The following KCNMA1 variants were observed in gnomAD, a reference collection of about 807,000 sequenced individuals.
KCNMA1 encodes Calcium-activated potassium channel subunit alpha-1.
Under a neutral mutation model 140.0 loss-of-function variants are expected in KCNMA1, and 29 were observed. That is an observed-to-expected ratio of 0.21 (90% CI 0.15 to 0.28). The LOEUF is 0.28. Ranked by LOEUF, KCNMA1 falls within the 10% of genes least tolerant of loss-of-function variation. The pLI is 1.00. For missense variants in KCNMA1, 880 were observed against 1,602.2 expected, an observed-to-expected ratio of 0.55 and a Z score of 7.70; for synonymous variants, 612 against 611.9, an observed-to-expected ratio of 1.00 and a Z score of 0.00.
At chr10:76,951,678 G>A (rs117738017) in intron 21 of KCNMA1, among the ~76,000 whole-genome samples, 3,068 of 152,202 alleles carry the variant, frequency 0.02, 45 homozygotes, top group Non-Finnish European at 0.027. Context: ...ATCTCTAGCC[G>A]TGTTACTTTA....
intron 2 of KCNMA1, among the ~76,000 whole-genome samples, chr10:77,375,195 G>C (rs1340196591): frequency 1.3e-5 from 2 of 152,182 alleles, no homozygotes; most frequent in Admixed American, 6.5e-5. Context: ...AGCTAAAACT[G>C]GGTATGAGCA....
At chr10:76,934,628 A>G (rs1163468933) in intron 23 of KCNMA1, among the ~76,000 whole-genome samples, 1 of 152,204 alleles carries the variant, frequency 6.6e-6, no homozygotes, top group Non-Finnish European at 1.5e-5. Context: ...TAGACTATGG[A>G]GACAACAGGG....
At chr10:77,083,501 TA>T (rs35527205) in intron 12 of KCNMA1, among the ~76,000 whole-genome samples, 11,817 of 91,354 alleles carry the variant, frequency 0.13, 512 homozygotes, top group Non-Finnish European at 0.14. Flanking sequence ...AGATGTTCTG[TA>T]AAAAAAAAAA....
Position 77,108,596 on chromosome 10 carries a change from G to A in KCNMA1, c.1132-24C>T. On this transcript the variant is annotated intron_variant, in intron 8 of 27. Coordinates refer to ENST00000286628, the MANE Select transcript of KCNMA1 (RefSeq NM_001161352.2). The surrounding 1 kb of genome is among the most constrained non-coding windows in gnomAD (Gnocchi z 4.6). ...GCCTGAGAAGATAGGAGACAGAAGA[G>A]AGACTAAAAAGACAGGCCAAAGAAA... The A allele has an allele frequency of 6.3e-7, 1 of 1,583,692 alleles. No individual in the cohort carries two copies. The highest frequency in any genetic ancestry group is 8.7e-7 in the Non-Finnish European group (1 of 1,153,840).
At chr10:77,435,612 G>T (rs1051559315) in intron 1 of KCNMA1, among the ~76,000 whole-genome samples, 1 of 152,164 alleles carries the variant, frequency 6.6e-6, no homozygotes, top group Non-Finnish European at 1.5e-5. Context: ...CACCACCTGT[G>T]GTGTGGGGAA....
chr10:76,949,203 A>G lies in KCNMA1; in HGVS notation c.2648T>C (p.Ile883Thr), dbSNP rs148156399. 2.8e-5 allele frequency: 45 copies of G among 1,614,222 alleles called. No individual in the cohort carries two copies. The highest frequency in any genetic ancestry group is 3.8e-5 in the Non-Finnish European group (45 of 1,180,028). ...ELKHIVFVGS[I>T]EYLKREWETL... ...CTCCCATTCCCGCTTGAGGTACTCA[A>G]TAGAGCCCACAAACACAATGTGCTT... Residue 883 changes from isoleucine (I) to threonine (T), a missense_variant, in exon 22 of 28, where the codon ATT becomes ACT. By Grantham distance (89) the Ile-to-Thr change is moderately conservative. Transcript: ENST00000286628.
At chr10:77,472,056 A>C (rs2098170910) in intron 1 of KCNMA1, among the ~76,000 whole-genome samples, 1 of 150,496 alleles carries the variant, frequency 6.6e-6, no homozygotes, top group Admixed American at 6.6e-5. Flanking sequence ...TACATGTACC[A>C]CATACACACA....
chr10:76,933,324 T>G (rs112225749), intron 23 of KCNMA1, among the ~76,000 whole-genome samples: 2 of 152,232 alleles, frequency 1.3e-5, no homozygotes, highest in African/African-American at 4.8e-5. Flanking sequence ...TGTGAGGTAC[T>G]GTGCTAAGCA....
chr10:76,887,586 A>G (rs1293500866), intron 27 of KCNMA1, 71 bp from the exon 28 acceptor site: 2 of 1,565,028 alleles, frequency 1.3e-6, no homozygotes, highest in East Asian at 2.2e-5. Context: ...CTCTGAACCA[A>G]AAGCAATGGC....
intron 20 of KCNMA1, among the ~76,000 whole-genome samples, chr10:76,963,751 C>A (rs1298059775): frequency 6.6e-6 from 1 of 152,190 alleles, no homozygotes; most frequent in African/African-American, 2.4e-5. Flanking sequence ...TAAATTTAAA[C>A]AAGCAAATTA....
intron 14 of KCNMA1, among the ~76,000 whole-genome samples, chr10:77,046,726 C>T (rs2095078874): frequency 1.3e-5 from 2 of 152,330 alleles, no homozygotes; most frequent in South Asian, 4.1e-4. Context: ...TGGTTATCTC[C>T]TTCTCTACCC....
chr10:77,305,807 G>C (rs750944074), intron 2 of KCNMA1, among the ~76,000 whole-genome samples: 1 of 152,148 alleles, frequency 6.6e-6, no homozygotes, highest in African/African-American at 2.4e-5. Context: ...CTGTCCCCAA[G>C]AGTCCTGAGG....
chr10:77,424,418 T>C (rs2096931638), intron 1 of KCNMA1, among the ~76,000 whole-genome samples: 2 of 152,192 alleles, frequency 1.3e-5, no homozygotes, highest in Admixed American at 1.3e-4. Flanking sequence ...ACAAAGTCAG[T>C]AAGCAGCTGA....
At chr10:77,496,936 C>T (rs776632543) in intron 1 of KCNMA1, among the ~76,000 whole-genome samples, 1 of 152,188 alleles carries the variant, frequency 6.6e-6, no homozygotes, top group Non-Finnish European at 1.5e-5. Flanking sequence ...CCCCTACCCA[C>T]ACTACCTTGC....
chr10:77,636,472 C>G, intron 1 of KCNMA1: 1 of 1,536,210 alleles, frequency 6.5e-7, no homozygotes. Context: ...CCCGCTCCAG[C>G]TCCGCGCTGC....
intron 5 of KCNMA1, among the ~76,000 whole-genome samples, chr10:77,146,718 A>AG (rs2098303461): frequency 6.8e-6 from 1 of 146,358 alleles, no homozygotes; most frequent in African/African-American, 2.5e-5. Flanking sequence ...AAAAAAAAAA[A>AG]AAAAAAAAAA....
chr10:77,516,560 G>A (rs1035692481), intron 1 of KCNMA1, among the ~76,000 whole-genome samples: 1 of 152,196 alleles, frequency 6.6e-6, no homozygotes, highest in Non-Finnish European at 1.5e-5. Flanking sequence ...GTGGTTACCC[G>A]AATGAATTTA....
intron 15 of KCNMA1, among the ~76,000 whole-genome samples, chr10:77,038,272 C>T (rs972368449): frequency 3.9e-5 from 6 of 152,166 alleles, no homozygotes; most frequent in Admixed American, 3.9e-4. Context: ...GGACTGTCCC[C>T]TCCTTTGTGG....
chr10:77,505,017 T>C (rs1555398968), intron 1 of KCNMA1, among the ~76,000 whole-genome samples: 1 of 152,148 alleles, frequency 6.6e-6, no homozygotes, highest in Non-Finnish European at 1.5e-5. Flanking sequence ...CTTGGCCATC[T>C]GTTCATTCAT....
Sources: gnomAD v4.1 joint callset for allele counts (sites outside exome capture counted in the v4.1 genomes callset) on GRCh38, gnomAD v4.1.1 for gene constraint, Gnocchi (gnomAD v3.1) non-coding constraint, MANE v1.5 for transcripts, NCBI Gene and HGNC (gene_info 2026-07-23, HGNC 2026-07-21) for gene names.